CASQ2: variants seen among roughly 807,000 people sequenced by gnomAD.
The protein encoded by CASQ2 is calsequestrin 2.
Under a neutral mutation model 46.5 loss-of-function variants are expected in CASQ2, and 49 were observed. The observed-to-expected ratio is 1.05, with a 90% confidence interval of 0.84 to 1.34. CASQ2 has a LOEUF of 1.34. Ranked by LOEUF, CASQ2 falls within the 40% of genes most tolerant of loss-of-function variation. CASQ2 has a pLI of 0.00. For missense variants in CASQ2, 486 were observed against 481.3 expected (o/e 1.01, Z -0.09); for synonymous variants, 174 against 168.5 (o/e 1.03, Z -0.25).
chr1:115,744,320 C>T (rs1276872812), intron 2 of CASQ2, among the ~76,000 whole-genome samples: 1 of 152,152 alleles, frequency 6.6e-6, no homozygotes, highest in Non-Finnish European at 1.5e-5. Flanking sequence ...TCACCTATGT[C>T]CTCCCCTCTC....
chr1:115,765,920 A>G (rs745758618), intron 1 of CASQ2, among the ~76,000 whole-genome samples: 5 of 152,232 alleles, frequency 3.3e-5, no homozygotes, highest in Non-Finnish European at 7.3e-5. Flanking sequence ...TTAAGAGGAC[A>G]AAATAGATGT....
At chr1:115,756,163 C>T (rs1044524552) in intron 1 of CASQ2, among the ~76,000 whole-genome samples, 19 of 152,166 alleles carry the variant, frequency 1.2e-4, no homozygotes, top group African/African-American at 4.1e-4. Flanking sequence ...TGAGGAGAGG[C>T]CTGTCTGGCT....
At chr1:115,730,730 C>T (rs1353208049) in intron 5 of CASQ2, among the ~76,000 whole-genome samples, 1 of 152,116 alleles carries the variant, frequency 6.6e-6, no homozygotes, top group Non-Finnish European at 1.5e-5. Context: ...ATGGCCAGAT[C>T]TTCTTGTTAT....
At chr1:115,710,685 G>C (rs767124755) in intron 8 of CASQ2, among the ~76,000 whole-genome samples, 4 of 152,152 alleles carry the variant, frequency 2.6e-5, no homozygotes, top group Non-Finnish European at 5.9e-5. Context: ...AGTATGATGG[G>C]TTGGCTAACT....
Position 115,756,510 on chromosome 1 carries a change from G to A in CASQ2, c.235-11598C>T, listed in dbSNP as rs1648766257. Among the ~76,000 whole-genome samples the A allele has an allele frequency of 2.0e-5, 3 of 152,120 alleles. No individual in the cohort carries two copies. The South Asian group carries it at 6.2e-4, about 32-fold the overall frequency. On this transcript the variant is annotated intron_variant, in intron 1 of 10. Transcript: ENST00000261448. ...TAAAGCTCAAACTGCCGCAGAGTAG[G>A]GCTGCTGAGTAAAGAAAAATCTTGT...
intron 9 of CASQ2, among the ~76,000 whole-genome samples, chr1:115,704,211 G>A (rs976668180): frequency 1.3e-5 from 2 of 152,144 alleles, no homozygotes; most frequent in Non-Finnish European, 2.9e-5. Context: ...CATCAGTCAT[G>A]ACCTATGCAA....
Position 115,763,768 on chromosome 1 carries a change from GA to G in CASQ2, c.234+4539del, listed in dbSNP as rs1649038448. On this transcript the variant is annotated intron_variant, in intron 1 of 10. Coordinates refer to ENST00000261448, the MANE Select transcript of CASQ2 (RefSeq NM_001232.4). ...TGCCATCTCTCAAGCACTTCAACCT[GA>G]GGGAAATGGTGACATTTCTCAACTC... Among the ~76,000 whole-genome samples the G allele has an allele frequency of 6.6e-5, 10 of 152,280 alleles. No individual in the cohort carries two copies. The South Asian group carries it at 2.1e-3, about 32-fold the overall frequency.
intron 9 of CASQ2, among the ~76,000 whole-genome samples, chr1:115,703,370 A>G (rs1301983976): frequency 6.6e-6 from 1 of 152,196 alleles, no homozygotes; most frequent in East Asian, 1.9e-4. Context: ...TAGCTGGGAA[A>G]GCCATGATGG....
At chr1:115,731,901 G>A (rs1378184555) in intron 5 of CASQ2, among the ~76,000 whole-genome samples, 1 of 152,026 alleles carries the variant, frequency 6.6e-6, no homozygotes, top group Non-Finnish European at 1.5e-5. Flanking sequence ...AAATTTTTTT[G>A]AATTTATTAT....
chr1:115,763,379 G>A lies in CASQ2; in HGVS notation c.234+4929C>T, dbSNP rs963168627. Among the ~76,000 whole-genome samples, 6 of 152,052 alleles carry A rather than the reference G, an allele frequency of 3.9e-5. No individual in the cohort carries two copies. In the East Asian group the frequency reaches 5.8e-4, roughly 15 times the overall value. On this transcript the variant is annotated intron_variant, in intron 1 of 10. Coordinates refer to ENST00000261448, the MANE Select transcript of CASQ2 (RefSeq NM_001232.4). ...TGCCAAACAGGAGTACATCGAGAGCGACCTGTGACCGCTGGCAACTCACTC... is the reference window on the plus strand; with the variant it reads ...TGCCAAACAGGAGTACATCGAGAGCAACCTGTGACCGCTGGCAACTCACTC...
intron 1 of CASQ2, among the ~76,000 whole-genome samples, chr1:115,758,123 A>T (rs1166653752): frequency 1.3e-5 from 2 of 152,218 alleles, no homozygotes. Context: ...AATCCCTTTC[A>T]GCTGCTCCTT....
At chr1:115,747,507 A>C (rs886689580) in intron 1 of CASQ2, among the ~76,000 whole-genome samples, 1 of 151,266 alleles carries the variant, frequency 6.6e-6, no homozygotes, top group African/African-American at 2.4e-5. Context: ...GTTTATACAC[A>C]AAAAAAAATA....
intron 8 of CASQ2, among the ~76,000 whole-genome samples, chr1:115,717,498 T>C (rs1482901788): frequency 2.0e-5 from 3 of 152,190 alleles, no homozygotes; most frequent in Admixed American, 6.5e-5. Context: ...AGAATTGGAT[T>C]TGTGGCCTGA....
rs991581170 is a variant in CASQ2 at position 115,700,471 on chromosome 1, A to C, written c.*770T>G. The C allele has an allele frequency of 6.5e-6, 1 of 152,764 alleles. No homozygotes were observed. Among genetic ancestry groups the C allele is most frequent in the Non-Finnish European group, 1.5e-5 (1 of 68,508 alleles). 9.5% of individuals were successfully genotyped at this position (152,764 alleles called of 1,614,324 possible). On this transcript the variant is annotated 3_prime_UTR_variant, in exon 11 of 11. Transcript: ENST00000261448. ...AAAATGTAAAAGTTTTCATCTTTCTAGTTTTCCCCCACCCTCCACTCCTGC... is the reference window on the plus strand; with the variant it reads ...AAAATGTAAAAGTTTTCATCTTTCTCGTTTTCCCCCACCCTCCACTCCTGC...
At chr1:115,765,000 C>T (rs1649085516) in intron 1 of CASQ2, among the ~76,000 whole-genome samples, 1 of 152,160 alleles carries the variant, frequency 6.6e-6, no homozygotes, top group African/African-American at 2.4e-5. Flanking sequence ...TAGGAAAAAG[C>T]TAGCAGGTGG....
At chr1:115,721,796 C>A (rs114487429) in intron 7 of CASQ2, among the ~76,000 whole-genome samples, 6 of 152,146 alleles carry the variant, frequency 3.9e-5, no homozygotes, top group Non-Finnish European at 8.8e-5. Context: ...CTCTCGAATT[C>A]CTTGACTCAA....
intron 8 of CASQ2, among the ~76,000 whole-genome samples, chr1:115,712,533 A>G (rs1402153685): frequency 6.6e-6 from 1 of 152,190 alleles, no homozygotes; most frequent in Non-Finnish European, 1.5e-5. Context: ...TCATCTGTAC[A>G]CCGGGGAAGA....
At chr1:115,729,035 CTTTTTTTTTT>C (rs753965730) in intron 5 of CASQ2, among the ~76,000 whole-genome samples, 1 of 68,834 alleles carries the variant, frequency 1.5e-5, no homozygotes, top group Non-Finnish European at 2.7e-5. Flanking sequence ...CTCTTTCATT[CTTTTTTTTTT>C]TTTTTTTTTT....
chr1:115,745,898 C>T (rs1648370390), intron 1 of CASQ2, among the ~76,000 whole-genome samples: 3 of 152,164 alleles, frequency 2.0e-5, no homozygotes, highest in African/African-American at 7.2e-5. Flanking sequence ...TGGATATTAA[C>T]ATTGATACAG....
Sources: allele counts gnomAD v4.1 joint callset (sites outside exome capture counted in the v4.1 genomes callset), GRCh38; gene constraint gnomAD v4.1.1; transcripts MANE v1.5; gene names NCBI Gene and HGNC (gene_info 2026-07-23, HGNC 2026-07-21).